Variants in SLC44A5 observed in about 807,000 individuals in gnomAD.
SLC44A5 encodes the protein choline transporter-like protein 5.
A neutral mutation model predicts 101.8 loss-of-function variants in SLC44A5; 57 were observed. The observed-to-expected ratio is 0.56, with a 90% CI of 0.45 to 0.70. The LOEUF (loss-of-function observed/expected upper bound fraction) is 0.70, where lower values mean the gene tolerates loss of function less well. Ranked by LOEUF, SLC44A5 falls within the 30% of genes least tolerant of loss-of-function variation. The probability of loss-of-function intolerance (pLI) is 0.00; values close to 1 mark genes in which losing one functional copy is unlikely to be tolerated. For missense variants in SLC44A5, 737 were observed against 853.1 expected, an observed-to-expected ratio of 0.86 and a Z score of 1.70; for synonymous variants, 281 against 290.9, an observed-to-expected ratio of 0.97 and a Z score of 0.35.
intron 7 of SLC44A5, 82 bp from the exon 8 acceptor site, chr1:75,243,093 C>A (rs1376752485): frequency 8.3e-6 from 12 of 1,442,562 alleles, no homozygotes; most frequent in African/African-American, 1.5e-5. Context: ...TCTAAATTAT[C>A]CACCATAACA....
upstream of SLC44A5, among the ~76,000 whole-genome samples, chr1:75,614,956 C>A (rs1453434052): frequency 6.6e-6 from 1 of 152,010 alleles, no homozygotes; most frequent in Non-Finnish European, 1.5e-5. Flanking sequence ...GTCCGCGCTG[C>A]GGGAGCGGGT....
chr1:75,579,527 G>T (rs895124291), intron 1 of SLC44A5, among the ~76,000 whole-genome samples: 1 of 150,810 alleles, frequency 6.6e-6, no homozygotes, highest in African/African-American at 2.4e-5. Context: ...ATTTCAAGAG[G>T]ACTCTCATTC....
chr1:75,395,077 G>A (rs1431344682), intron 3 of SLC44A5, among the ~76,000 whole-genome samples: 2 of 151,922 alleles, frequency 1.3e-5, no homozygotes, highest in Non-Finnish European at 2.9e-5. Context: ...GCACTCAGTG[G>A]TACTTCTCTC....
At chr1:75,506,499 T>C (rs1176503626) in intron 2 of SLC44A5, among the ~76,000 whole-genome samples, 1 of 152,204 alleles carries the variant, frequency 6.6e-6, no homozygotes, top group East Asian at 1.9e-4. Flanking sequence ...GTATTTCCAT[T>C]TGTGTCATCT....
intron 2 of SLC44A5, among the ~76,000 whole-genome samples, chr1:75,484,316 T>C (rs1234683015): frequency 3.3e-5 from 5 of 152,204 alleles, no homozygotes; most frequent in Non-Finnish European, 7.3e-5. Context: ...AATGTTTCCA[T>C]TCCAAATGGG....
the SLC44A5 span, among the ~76,000 whole-genome samples, chr1:75,636,444 C>G: frequency 6.6e-6 from 1 of 151,998 alleles, no homozygotes; most frequent in East Asian, 1.9e-4. Flanking sequence ...TCTGACTCTA[C>G]CATTTGCTAG....
At chr1:75,365,787 TTTTA>T (rs1235640674) in intron 3 of SLC44A5, among the ~76,000 whole-genome samples, 1 of 152,218 alleles carries the variant, frequency 6.6e-6, no homozygotes, top group African/African-American at 2.4e-5. Flanking sequence ...TCTCATTCTA[TTTTA>T]TTTATCTGCT....
intron 5 of SLC44A5, among the ~76,000 whole-genome samples, chr1:75,300,014 C>CAAAAAAAAAAAAA (rs35608663): frequency 8.1e-4 from 76 of 93,766 alleles, no homozygotes; most frequent in African/African-American, 4.0e-3. Flanking sequence ...GACTCTGTCT[C>CAAAAAAAAAAAAA]AAAAAAAAAA....
chr1:75,665,812 T>A, the SLC44A5 span, among the ~76,000 whole-genome samples: 11 of 152,004 alleles, frequency 7.2e-5, no homozygotes, highest in Admixed American at 7.2e-4. Flanking sequence ...GGAAAAGACA[T>A]GAACAGACAT....
intron 2 of SLC44A5, among the ~76,000 whole-genome samples, chr1:75,442,634 C>A (rs1365369724): frequency 6.6e-6 from 1 of 152,102 alleles, no homozygotes; most frequent in African/African-American, 2.4e-5. Flanking sequence ...AATTTTCTTT[C>A]CACTGACTCC....
chr1:75,601,585 A>C (rs1674987091), intron 1 of SLC44A5, among the ~76,000 whole-genome samples: 2 of 152,178 alleles, frequency 1.3e-5, no homozygotes, highest in South Asian at 4.1e-4. Context: ...CAAGTTTCTC[A>C]ATGCCAGCCA....
intron 1 of SLC44A5, among the ~76,000 whole-genome samples, chr1:75,544,823 TCA>T (rs1671555485): frequency 6.6e-6 from 1 of 152,150 alleles, no homozygotes; most frequent in Non-Finnish European, 1.5e-5. Context: ...CTGGGACACT[TCA>T]CATTTTGTTT....
intron 1 of SLC44A5, among the ~76,000 whole-genome samples, chr1:75,569,956 C>T (rs1672987899): frequency 6.6e-6 from 1 of 152,188 alleles, no homozygotes; most frequent in African/African-American, 2.4e-5. Context: ...ATCAACAGAT[C>T]ATTTGGCACC....
the SLC44A5 span, among the ~76,000 whole-genome samples, chr1:75,687,010 C>T: frequency 5.9e-3 from 894 of 152,096 alleles, 12 homozygotes; most frequent in African/African-American, 0.021. Context: ...ACAGAGTGGT[C>T]GCAGAAGAAT....
intron 11 of SLC44A5, among the ~76,000 whole-genome samples, chr1:75,235,160 C>A (rs1356086512): frequency 2.0e-5 from 3 of 151,950 alleles, no homozygotes; most frequent in Non-Finnish European, 4.4e-5. Flanking sequence ...ATCACGGACA[C>A]TTTAATGCTT....
At position 75,302,104 on chromosome 1, in the gene SLC44A5, G is replaced by GTTTTTT. The variant is rs1204998592; in HGVS notation, c.102-1425_102-1420dup. 5.4e-3 allele frequency among the ~76,000 whole-genome samples: 266 copies of GTTTTTT among 49,534 alleles called. 13 individuals carry two copies. The highest frequency in any genetic ancestry group is 0.022 in the Middle Eastern group (1 of 46). The allele number at this position is 49,534 out of a possible 152,430, so 32.5% of individuals were successfully genotyped here. ...ACAAGAGAAGAAAGCAGGTGCTCTA[G>GTTTTTT]TTTTTTTGTTTTTTTTTTTTTTTTT... On this transcript the variant is annotated intron_variant, in intron 4 of 23. Coordinates refer to ENST00000370859, the MANE Select transcript of SLC44A5 (RefSeq NM_001130058.2).
chr1:75,615,831 G>A (rs1675855765), upstream of SLC44A5: 2 of 984,846 alleles, frequency 2.0e-6, no homozygotes, highest in Admixed American at 6.1e-5. Flanking sequence ...AGGCGGCGAG[G>A]GGAGGAGGGA....
At chr1:75,673,474 T>C in the SLC44A5 span, among the ~76,000 whole-genome samples, 4 of 150,700 alleles carry the variant, frequency 2.7e-5, no homozygotes, top group Non-Finnish European at 5.9e-5. Flanking sequence ...CTGGACCTAC[T>C]AGGGGAAGGG....
chr1:75,419,414 G>T (rs539427338), intron 2 of SLC44A5, among the ~76,000 whole-genome samples: 85 of 150,028 alleles, frequency 5.7e-4, no homozygotes, highest in East Asian at 2.2e-3. Flanking sequence ...AATGACGGTA[G>T]ACTGCTCATC....
Sources: gnomAD v4.1 joint callset for allele counts (sites outside exome capture counted in the v4.1 genomes callset) on GRCh38, gnomAD v4.1.1 for gene constraint, MANE v1.5 for transcripts, NCBI Gene and HGNC (gene_info 2026-07-23, HGNC 2026-07-21) for gene names.